The following RAC2 variants were observed in gnomAD, a reference collection of about 807,000 sequenced individuals.
RAC2 encodes Rac family small GTPase 2, also known as ras-related C3 botulinum toxin substrate 2.
RAC2 carries 1 observed loss-of-function variant against 24.0 expected under a neutral mutation model. The ratio of observed to expected loss-of-function variants is 0.04; its 90% confidence interval spans 0.01 to 0.20. RAC2 has a LOEUF of 0.20. RAC2 is among the 10% of genes least tolerant of loss of function. RAC2 has a pLI of 1.00. For missense variants in RAC2, 130 were observed against 259.1 expected (o/e 0.50, Z 3.42); for synonymous variants, 114 against 106.8 (o/e 1.07, Z -0.41).
intron 3 of RAC2, 150 bp downstream of exon 3, chr22:37,232,651 C>T: frequency 4.4e-6 from 3 of 689,526 alleles, no homozygotes; most frequent in Non-Finnish European, 7.8e-6. Flanking sequence ...CCCTTCTCTG[C>T]CTGGGACATG....
chr22:37,235,655 C>T (rs1407968129), intron 2 of RAC2, among the ~76,000 whole-genome samples: 2 of 152,214 alleles, frequency 1.3e-5, no homozygotes, highest in East Asian at 3.8e-4. Context: ...AGGAAGAAGG[C>T]GCTGTCCAGG....
At chr22:37,241,751 T>C in intron 1 of RAC2, 93 bp from the exon 2 acceptor site, 1 of 1,173,288 alleles carries the variant, frequency 8.5e-7, no homozygotes, top group Non-Finnish European at 1.3e-6. Context: ...GACCTCAGCA[T>C]CCACCCAGCC....
intron 3 of RAC2, 91 bp from the exon 4 acceptor site, chr22:37,232,085 GA>G: frequency 1.5e-6 from 2 of 1,341,634 alleles, no homozygotes; most frequent in Non-Finnish European, 2.1e-6. Context: ...GGGGCTCCCT[GA>G]GGGTGGAACA....
At chr22:37,232,402 C>T in intron 3 of RAC2, 2 of 419,486 alleles carry the variant, frequency 4.8e-6, no homozygotes, top group East Asian at 1.1e-4. Flanking sequence ...AGCCGCCTCC[C>T]TGCATACCCT....
At chr22:37,226,828 G>T in intron 5 of RAC2, 25 bp from the exon 6 acceptor site, 9 of 1,607,864 alleles carry the variant, frequency 5.6e-6, no homozygotes, top group Non-Finnish European at 7.6e-6. Flanking sequence ...GGACAGGAGA[G>T]CCAAGGCCTA....
intron 5 of RAC2, among the ~76,000 whole-genome samples, chr22:37,229,671 G>A (rs1926997486): frequency 1.3e-5 from 2 of 152,226 alleles, no homozygotes; most frequent in African/African-American, 4.8e-5. Flanking sequence ...CTGAGGCACA[G>A]TTAAAATCAC....
chr22:37,226,104 C>A, intron 6 of RAC2, 65 bp from the exon 7 acceptor site: 1 of 159,868 alleles, frequency 6.3e-6, no homozygotes, highest in East Asian at 1.8e-4. Flanking sequence ...TCTCGCCTTC[C>A]TGGCTCACAG....
chr22:37,241,522 G>A (rs1927390473), intron 2 of RAC2, 65 bp downstream of exon 2: 3 of 1,511,496 alleles, frequency 2.0e-6, no homozygotes, highest in Non-Finnish European at 2.8e-6. Flanking sequence ...GTGCCTGAAA[G>A]GGGGGTCGAC....
intron 5 of RAC2, among the ~76,000 whole-genome samples, chr22:37,227,617 CACGCCATACACCCCTCCT>C (rs1926920156): frequency 7.2e-6 from 1 of 139,382 alleles, no homozygotes. Context: ...ACACCCCTCC[CACGCCATACACCCCTCCT>C]ATGCCATACA....
intron 2 of RAC2, among the ~76,000 whole-genome samples, chr22:37,235,789 C>A (rs1927204848): frequency 2.6e-5 from 4 of 152,198 alleles, no homozygotes; most frequent in Admixed American, 2.0e-4. Flanking sequence ...AGTGCTAGTG[C>A]CAAGAAGCCC....
rs1927058938 is a variant in RAC2 at position 37,231,443 on chromosome 22, A to G, written c.289-53T>C. ...GTTGTATGGGTCAAGAGGGGGCGCG[A>G]GGCTGTGCGGGGATCAGAGGGAGTG... is the stretch of plus-strand genomic sequence containing the variant. On this transcript the variant is annotated intron_variant, in intron 4 of 6. Coordinates refer to ENST00000249071, the MANE Select transcript of RAC2 (RefSeq NM_002872.5). The surrounding 1 kb of genome is among the most constrained non-coding windows in gnomAD (Gnocchi z 5.5). 6.4e-7 allele frequency: 1 copy of G among 1,568,714 alleles called. No individual in the cohort carries two copies. The highest frequency in any genetic ancestry group is 1.4e-5 in the African/African-American group (1 of 73,938).
chr22:37,234,520 AG>A (rs1272641643), intron 2 of RAC2, among the ~76,000 whole-genome samples: 1 of 152,142 alleles, frequency 6.6e-6, no homozygotes, highest in Non-Finnish European at 1.5e-5. Context: ...CCTGAGGGTT[AG>A]GGAATCACTG....
rs114749947 is a variant in RAC2, at chr22:37,230,762, C to T, written c.448+469G>A. Among the ~76,000 whole-genome samples the T allele has an allele frequency of 2.5e-3, 377 of 152,230 alleles. 3 individuals are homozygous for T. Among genetic ancestry groups the T allele is most frequent in the African/African-American group, 8.6e-3 (357 of 41,526 alleles). On this transcript the variant is annotated intron_variant, in intron 5 of 6. Coordinates refer to ENST00000249071, the MANE Select transcript of RAC2 (RefSeq NM_002872.5). ...GTGTCACCCTTTAGATCTAATGCAG[C>T]GCCACCTCCTCCAGGAAGCCTTCCC...
At chr22:37,240,658 T>C in intron 2 of RAC2, 1 of 272,342 alleles carries the variant, frequency 3.7e-6, no homozygotes, top group Non-Finnish European at 7.2e-6. Flanking sequence ...CACAAAGAGC[T>C]GGCCATGGCT....
chr22:37,229,010 C>T (rs562655219), intron 5 of RAC2, among the ~76,000 whole-genome samples: 15 of 152,332 alleles, frequency 9.8e-5, no homozygotes, highest in African/African-American at 3.6e-4. Flanking sequence ...GGAGGTGTCA[C>T]TGGGCACTTG....
intron 2 of RAC2, among the ~76,000 whole-genome samples, chr22:37,240,044 C>T (rs1927340747): frequency 6.6e-6 from 1 of 152,206 alleles, no homozygotes; most frequent in Non-Finnish European, 1.5e-5. Flanking sequence ...GTTTCCCTGC[C>T]CTCTCCTGGC....
At chr22:37,234,227 C>T (rs139357361) in intron 2 of RAC2, among the ~76,000 whole-genome samples, 115 of 152,322 alleles carry the variant, frequency 7.5e-4, no homozygotes, top group African/African-American at 2.3e-3. Flanking sequence ...ATATCAGAGA[C>T]GGGGAAGCCC....
At chr22:37,229,461 T>C (rs1926990402) in intron 5 of RAC2, among the ~76,000 whole-genome samples, 1 of 152,156 alleles carries the variant, frequency 6.6e-6, no homozygotes. Context: ...TGACAAGAGC[T>C]CTTCGTCATA....
At chr22:37,236,779 G>A (rs927110261) in intron 2 of RAC2, among the ~76,000 whole-genome samples, 3 of 152,168 alleles carry the variant, frequency 2.0e-5, no homozygotes, top group African/African-American at 4.8e-5. Flanking sequence ...TAGTGACTTG[G>A]GGGTGAGAAA....
Sources: allele counts gnomAD v4.1 joint callset (sites outside exome capture counted in the v4.1 genomes callset), GRCh38; gene constraint gnomAD v4.1.1; non-coding constraint Gnocchi (gnomAD v3.1); transcripts MANE v1.5; gene names NCBI Gene and HGNC (gene_info 2026-07-23, HGNC 2026-07-21).